IL1RAPL1: variants seen among roughly 807,000 people sequenced by gnomAD.
The protein encoded by IL1RAPL1 is interleukin-1 receptor accessory protein-like 1.
A neutral mutation model predicts 48.4 loss-of-function variants in IL1RAPL1; 3 were observed. That is an observed-to-expected ratio of 0.06 (90% CI 0.03 to 0.16). The LOEUF (loss-of-function observed/expected upper bound fraction) is 0.16, where lower values mean the gene tolerates loss of function less well. Among genes scored for constraint, IL1RAPL1 ranks in the 10% least tolerant of loss-of-function variants. The pLI is 1.00. For missense variants in IL1RAPL1, 349 were observed against 530.6 expected, an observed-to-expected ratio of 0.66 and a Z score of 3.36; for synonymous variants, 185 against 187.7, an observed-to-expected ratio of 0.99 and a Z score of 0.12.
chrX:29,286,120 A>G (rs1210669946), intron 3 of IL1RAPL1, among the ~76,000 whole-genome samples: 7 of 111,710 alleles, frequency 6.3e-5, no homozygotes, highest in Non-Finnish European at 1.3e-4. Context: ...AATATATGCA[A>G]TTAAATGGCA....
intron 6 of IL1RAPL1, among the ~76,000 whole-genome samples, chrX:29,710,875 T>G (rs1927323602): frequency 9.2e-6 from 1 of 108,119 alleles, no homozygotes; most frequent in African/African-American, 3.3e-5. Context: ...TAAATTTATG[T>G]TCTATTCTTG....
chrX:28,822,108 G>T (rs1936943288), intron 2 of IL1RAPL1, among the ~76,000 whole-genome samples: 1 of 110,915 alleles, frequency 9.0e-6, no homozygotes, highest in Admixed American at 9.6e-5. Flanking sequence ...CCCTCAAAGA[G>T]CTCCTCATCA....
At chrX:28,897,853 G>A (rs1211766487) in intron 2 of IL1RAPL1, among the ~76,000 whole-genome samples, 1 of 111,423 alleles carries the variant, frequency 9.0e-6, no homozygotes, top group African/African-American at 3.3e-5. Flanking sequence ...TATAAGATTT[G>A]GGTAGGTAAA....
intron 6 of IL1RAPL1, among the ~76,000 whole-genome samples, chrX:29,889,259 C>T (rs1932226948): frequency 9.0e-6 from 1 of 111,479 alleles, no homozygotes; most frequent in Admixed American, 9.5e-5. Flanking sequence ...CAGTTTACTG[C>T]TGATTGGAAT....
intron 5 of IL1RAPL1, among the ~76,000 whole-genome samples, chrX:29,506,481 C>T (rs1159114786): frequency 9.5e-6 from 1 of 105,079 alleles, no homozygotes; most frequent in Non-Finnish European, 1.9e-5. Context: ...CATTCTTCTT[C>T]TTCTTTGTGC....
intron 2 of IL1RAPL1, among the ~76,000 whole-genome samples, chrX:29,057,416 C>CTTTTTTTTTTTTTTTT: frequency 9.7e-6 from 1 of 102,632 alleles, no homozygotes; most frequent in Non-Finnish European, 2.0e-5. Flanking sequence ...GTTTGGCCTA[C>CTTTTTTTTTTTTTTTT]TTTTTTTTTT....
intron 2 of IL1RAPL1, among the ~76,000 whole-genome samples, chrX:28,947,588 G>T (rs1198353248): frequency 9.0e-6 from 1 of 110,942 alleles, no homozygotes; most frequent in African/African-American, 3.3e-5. Context: ...AGCATTAGGA[G>T]AAATACCTAA....
At chrX:29,572,342 A>G (rs1231916153) in intron 5 of IL1RAPL1, among the ~76,000 whole-genome samples, 1 of 112,014 alleles carries the variant, frequency 8.9e-6, no homozygotes, top group African/African-American at 3.2e-5. Context: ...TGTTTGACGT[A>G]GTTTGTATCA....
At chrX:29,300,925 C>T (rs1280658884) in intron 3 of IL1RAPL1, among the ~76,000 whole-genome samples, 5 of 111,727 alleles carry the variant, frequency 4.5e-5, no homozygotes, top group African/African-American at 6.5e-5. Flanking sequence ...GAGGAAATAA[C>T]ATTTTTGTTT....
chrX:29,719,878 A>T (rs753281089), intron 6 of IL1RAPL1, among the ~76,000 whole-genome samples: 17 of 110,613 alleles, frequency 1.5e-4, no homozygotes, highest in Non-Finnish European at 2.3e-4. Flanking sequence ...TATTTTATAG[A>T]CCCTAGAGTC....
rs145480883 is a variant in IL1RAPL1 at position 28,639,143 on chromosome X, G to C, written c.-25+51096G>C. Among the ~76,000 whole-genome samples the C allele has an allele frequency of 1.4e-3, 159 of 111,997 alleles. 1 individual carries two copies. Among genetic ancestry groups the C allele is most frequent in the African/African-American group, 5.0e-3 (153 of 30,877 alleles). Reference sequence around the variant, plus strand: ...TAACATGTTGCCTGGCATGAAACAAGTGCTCATTATGTATTAATCTTCTTC... The same window carrying C: ...TAACATGTTGCCTGGCATGAAACAACTGCTCATTATGTATTAATCTTCTTC... On this transcript the variant is annotated intron_variant, in intron 1 of 10. Transcript: ENST00000378993.
chrX:29,449,780 C>CACAGAGAGAGAGAGAG (rs557765024), intron 5 of IL1RAPL1, among the ~76,000 whole-genome samples: 1 of 58,277 alleles, frequency 1.7e-5, no homozygotes, highest in African/African-American at 7.5e-5. Context: ...CACACACACA[C>CACAGAGAGAGAGAGAG]AGAGAGAGAG....
At chrX:28,930,912 A>C (rs1408561999) in intron 2 of IL1RAPL1, among the ~76,000 whole-genome samples, 1 of 110,151 alleles carries the variant, frequency 9.1e-6, no homozygotes, top group East Asian at 2.8e-4. Flanking sequence ...AATTGCTGGG[A>C]TTACAAGCGT....
chrX:29,812,105 T>C (rs1016727170), intron 6 of IL1RAPL1, among the ~76,000 whole-genome samples: 11 of 112,099 alleles, frequency 9.8e-5, no homozygotes, highest in African/African-American at 3.6e-4. Flanking sequence ...ATATATATGC[T>C]AGAATATAAA....
intron 5 of IL1RAPL1, among the ~76,000 whole-genome samples, chrX:29,645,581 A>G (rs900162219): frequency 2.7e-5 from 3 of 111,302 alleles, no homozygotes; most frequent in African/African-American, 9.8e-5. Context: ...GGCACCCGAG[A>G]GGAGCCTGTA....
intron 2 of IL1RAPL1, among the ~76,000 whole-genome samples, chrX:28,965,884 A>G (rs964466345): frequency 8.9e-6 from 1 of 111,794 alleles, no homozygotes; most frequent in African/African-American, 3.2e-5. Context: ...AGGACAATTT[A>G]TTGATTAATT....
intron 2 of IL1RAPL1, among the ~76,000 whole-genome samples, chrX:29,215,856 G>A (rs1393582136): frequency 9.0e-6 from 1 of 110,566 alleles, no homozygotes; most frequent in Non-Finnish European, 1.9e-5. Flanking sequence ...TCATTGTTTT[G>A]TTTATTACTT....
chrX:29,759,715 T>G (rs984386829), intron 6 of IL1RAPL1, among the ~76,000 whole-genome samples: 2 of 111,842 alleles, frequency 1.8e-5, no homozygotes, highest in African/African-American at 6.5e-5. Flanking sequence ...TATAAAATGA[T>G]TGAGGAATTT....
chrX:29,112,663 T>C (rs1012949600), intron 2 of IL1RAPL1, among the ~76,000 whole-genome samples: 1 of 111,198 alleles, frequency 9.0e-6, no homozygotes, highest in East Asian at 2.8e-4. Context: ...GTCAATGCTT[T>C]CCTCCACTTG....
Sources: allele counts gnomAD v4.1 joint callset (sites outside exome capture counted in the v4.1 genomes callset), GRCh38; gene constraint gnomAD v4.1.1; transcripts MANE v1.5; gene names NCBI Gene and HGNC (gene_info 2026-07-23, HGNC 2026-07-21).